RYK: variants seen among roughly 807,000 people sequenced by gnomAD.
The protein encoded by RYK is receptor like tyrosine kinase.
A neutral mutation model predicts 70.2 loss-of-function variants in RYK; 21 were observed. The observed-to-expected ratio is 0.30, with a 90% confidence interval of 0.21 to 0.43. The LOEUF is 0.43. RYK is among the 20% of genes least tolerant of loss of function. RYK has a pLI of 1.00. For missense variants in RYK, 604 were observed against 753.3 expected (o/e 0.80, Z 2.32); for synonymous variants, 267 against 278.0 (o/e 0.96, Z 0.39).
intron 13 of RYK, among the ~76,000 whole-genome samples, chr3:134,166,738 A>T (rs1008527589): frequency 1.3e-5 from 2 of 152,182 alleles, no homozygotes; most frequent in African/African-American, 4.8e-5. Context: ...TGTTTACAAG[A>T]TTTTATCAGT....
At position 134,213,382 on chromosome 3, in the gene RYK, T is replaced by C. The variant is rs146222675; in HGVS notation, c.355-1775A>G. Reference sequence around the variant, plus strand: ...ATAAGATCATTAATGCAATACATACTGTTAGCCTGGCACAAGTCTCCTCTG... The same window carrying C: ...ATAAGATCATTAATGCAATACATACCGTTAGCCTGGCACAAGTCTCCTCTG... On this transcript the variant is annotated intron_variant, in intron 2 of 14. Transcript: ENST00000623711. Among the ~76,000 whole-genome samples, 14 of 152,334 alleles carry C rather than the reference T, an allele frequency of 9.2e-5. No homozygotes were observed. In the South Asian group the frequency reaches 1.2e-3, roughly 14 times the overall value.
chr3:134,173,474 T>C (rs1311832504), intron 13 of RYK, among the ~76,000 whole-genome samples: 1 of 152,148 alleles, frequency 6.6e-6, no homozygotes, highest in Non-Finnish European at 1.5e-5. Context: ...TCTGCAATGA[T>C]GGAGAGGCCC....
chr3:134,158,626 G>T (rs144857915), intron 14 of RYK, among the ~76,000 whole-genome samples: 1 of 152,208 alleles, frequency 6.6e-6, no homozygotes, highest in Non-Finnish European at 1.5e-5. Context: ...CCTGGATCTA[G>T]AGTAAAATCA....
In RYK at chr3:134,221,856, C is replaced by T. The variant is rs531385752; in HGVS notation, c.354+562G>A. On this transcript the variant is annotated intron_variant, in intron 2 of 14. Coordinates refer to ENST00000623711, the MANE Select transcript of RYK (RefSeq NM_002958.4). ...GAGAAAACTTACCATGTTTGAGGGA[C>T]CCAGGCAGTCAGAGGCAATGTGAAG... Among the ~76,000 whole-genome samples the T allele has an allele frequency of 3.3e-5, 5 of 152,262 alleles. No homozygotes were observed. The South Asian group carries it at 1.0e-3, about 32-fold the overall frequency.
intron 1 of RYK, among the ~76,000 whole-genome samples, chr3:134,230,880 T>C (rs2015040250): frequency 6.6e-6 from 1 of 152,236 alleles, no homozygotes. Flanking sequence ...TCAATGGTTT[T>C]TACCTCTCTG....
intron 10 of RYK, among the ~76,000 whole-genome samples, chr3:134,182,155 C>CAAA (rs201391893): frequency 9.8e-6 from 1 of 101,782 alleles, no homozygotes. Flanking sequence ...ACTCTGTCTC[C>CAAA]AAAAAAAAAA....
intron 11 of RYK, among the ~76,000 whole-genome samples, chr3:134,176,302 ACACAG>A (rs1269052309): frequency 3.3e-5 from 5 of 152,326 alleles, no homozygotes; most frequent in African/African-American, 1.2e-4. Context: ...TATCCAGCAC[ACACAG>A]CAGCTGCTCA....
Position 134,162,712 on chromosome 3 carries a change from TACTG to T in RYK, c.1576-3343_1576-3340del, listed in dbSNP as rs541218523. Reference sequence around the variant, plus strand: ...CAACAAGATCTACATGAAATCTTAATACTGACAGTCATTAGTAAATGCAATGCTT... The same window carrying T: ...CAACAAGATCTACATGAAATCTTAATACAGTCATTAGTAAATGCAATGCTT... On this transcript the variant is annotated intron_variant, in intron 13 of 14. Transcript: ENST00000623711. 3.1e-3 allele frequency among the ~76,000 whole-genome samples: 477 copies of T among 152,376 alleles called. 1 individual carries two copies. Among genetic ancestry groups the T allele is most frequent in the African/African-American group, 0.011 (443 of 41,594 alleles).
intron 1 of RYK, 109 bp downstream of exon 1, chr3:134,250,314 G>C (rs2015579701): frequency 1.0e-5 from 5 of 490,130 alleles, no homozygotes; most frequent in Non-Finnish European, 1.6e-5. Context: ...CGCGGGGGGC[G>C]GGGAGGGTAC....
rs570509490 is a variant in RYK, at chr3:134,206,743, A to C, written c.643+729T>G. On this transcript the variant is annotated intron_variant, in intron 5 of 14. Transcript: ENST00000623711. The stretch of plus-strand genomic sequence containing the variant: ...CCTGAAAATACTCTCCTCCACCCCT[A>C]ACCAACCACAAAAGGAGGGAATCAA... 3.3e-5 allele frequency among the ~76,000 whole-genome samples: 5 copies of C among 152,300 alleles called. No homozygotes were observed. In the South Asian group the frequency reaches 1.0e-3, roughly 32 times the overall value.
At chr3:134,247,335 T>C (rs997973832) in intron 1 of RYK, among the ~76,000 whole-genome samples, 1 of 152,188 alleles carries the variant, frequency 6.6e-6, no homozygotes, top group African/African-American at 2.4e-5. Flanking sequence ...CAGACCTAGC[T>C]GAGGTAGTAG....
chr3:134,211,896 C>T (rs542660062), intron 2 of RYK, among the ~76,000 whole-genome samples: 115 of 152,332 alleles, frequency 7.5e-4, no homozygotes, highest in Middle Eastern at 3.4e-3. Flanking sequence ...GCAGCACTGA[C>T]AGAGAGGCCA....
intron 1 of RYK, among the ~76,000 whole-genome samples, chr3:134,241,581 T>G (rs1576538656): frequency 6.6e-6 from 1 of 152,176 alleles, no homozygotes; most frequent in Non-Finnish European, 1.5e-5. Flanking sequence ...AAACATGGCA[T>G]TCAAAACGTT....
chr3:134,227,510 G>A lies in RYK; in HGVS notation c.233-4971C>T, dbSNP rs574321729. 2.6e-5 allele frequency among the ~76,000 whole-genome samples: 4 copies of A among 151,022 alleles called. No homozygotes were observed. The South Asian group carries it at 8.4e-4, about 32-fold the overall frequency. On this transcript the variant is annotated intron_variant, in intron 1 of 14. Coordinates refer to ENST00000623711, the MANE Select transcript of RYK (RefSeq NM_002958.4). ...TTCAACTTTAGTATTTTCAACAAGC[G>A]ATGTAAAGCAACTAGATGCATAAAT...
chr3:134,235,713 G>C (rs1362473730), intron 1 of RYK, among the ~76,000 whole-genome samples: 1 of 152,162 alleles, frequency 6.6e-6, no homozygotes, highest in Non-Finnish European at 1.5e-5. Context: ...TGAAAGCAGG[G>C]ACAGTGGACA....
At chr3:134,249,032 G>C (rs1007750339) in intron 1 of RYK, among the ~76,000 whole-genome samples, 2 of 152,010 alleles carry the variant, frequency 1.3e-5, no homozygotes, top group African/African-American at 2.4e-5. Context: ...AAAGTCACAA[G>C]CTATATAAGT....
At chr3:134,245,139 C>T (rs1335005617) in intron 1 of RYK, among the ~76,000 whole-genome samples, 4 of 152,276 alleles carry the variant, frequency 2.6e-5, no homozygotes, top group Non-Finnish European at 2.9e-5. Context: ...ATGGAAATGA[C>T]AGTACATAAC....
intron 5 of RYK, 107 bp downstream of exon 5, chr3:134,207,365 T>C: frequency 5.2e-6 from 3 of 580,156 alleles, no homozygotes; most frequent in East Asian, 6.4e-5. Flanking sequence ...CATGGTGTCA[T>C]TATCATTTGA....
intron 1 of RYK, among the ~76,000 whole-genome samples, chr3:134,231,434 G>A (rs937573895): frequency 6.6e-6 from 1 of 152,138 alleles, no homozygotes; most frequent in African/African-American, 2.4e-5. Context: ...TGCCTCCTAA[G>A]TAGGGAATAT....
Sources: allele counts gnomAD v4.1 joint callset (sites outside exome capture counted in the v4.1 genomes callset), GRCh38; gene constraint gnomAD v4.1.1; transcripts MANE v1.5; gene names NCBI Gene and HGNC (gene_info 2026-07-23, HGNC 2026-07-21).